HS6ST3: variants seen among roughly 807,000 people sequenced by gnomAD.
The protein encoded by HS6ST3 is heparan-sulfate 6-O-sulfotransferase 3.
HS6ST3 carries 12 observed loss-of-function variants against 36.7 expected under a neutral mutation model. The ratio of observed to expected loss-of-function variants is 0.33; its 90% CI spans 0.21 to 0.53. The LOEUF is 0.53. Among genes scored for constraint, HS6ST3 ranks in the 20% least tolerant of loss-of-function variants. HS6ST3 has a pLI of 0.95. For missense variants in HS6ST3, 584 were observed against 640.9 expected, an observed-to-expected ratio of 0.91 and a Z score of 0.96; for synonymous variants, 240 against 257.5, an observed-to-expected ratio of 0.93 and a Z score of 0.65.
chr13:96,823,952 A>G (rs1451298310), intron 1 of HS6ST3, among the ~76,000 whole-genome samples: 1 of 152,080 alleles, frequency 6.6e-6, no homozygotes, highest in East Asian at 1.9e-4. Context: ...CAGTTCCCAC[A>G]TTTTCCATAA....
chr13:96,340,686 T>A (rs978182840), intron 1 of HS6ST3, among the ~76,000 whole-genome samples: 1 of 152,258 alleles, frequency 6.6e-6, no homozygotes, highest in Non-Finnish European at 1.5e-5. Context: ...TACATGTATG[T>A]TTCTCATATC....
chr13:96,338,290 T>A (rs952053853), intron 1 of HS6ST3, among the ~76,000 whole-genome samples: 12 of 151,898 alleles, frequency 7.9e-5, no homozygotes, highest in African/African-American at 2.9e-4. Context: ...GATGTGGAGG[T>A]GTTTCTCTTG....
intron 1 of HS6ST3, among the ~76,000 whole-genome samples, chr13:96,268,020 A>G (rs1360639597): frequency 1.3e-5 from 2 of 151,940 alleles, no homozygotes; most frequent in Non-Finnish European, 2.9e-5. Flanking sequence ...AGAGAGAGAG[A>G]GAGAGAGCAA....
intron 1 of HS6ST3, among the ~76,000 whole-genome samples, chr13:96,136,978 A>G (rs2054005523): frequency 6.6e-6 from 1 of 152,122 alleles, no homozygotes; most frequent in Non-Finnish European, 1.5e-5. Context: ...GAATCATTTT[A>G]GAGCTAAACC....
At chr13:96,284,796 C>CCTTCTTT (rs2054792682) in intron 1 of HS6ST3, among the ~76,000 whole-genome samples, 1 of 151,782 alleles carries the variant, frequency 6.6e-6, no homozygotes, top group Non-Finnish European at 1.5e-5. Flanking sequence ...GCTTTTCTCT[C>CCTTCTTT]CTTCTTTCTT....
chr13:96,353,801 C>G (rs1270113661), intron 1 of HS6ST3, among the ~76,000 whole-genome samples: 1 of 152,106 alleles, frequency 6.6e-6, no homozygotes, highest in African/African-American at 2.4e-5. Context: ...AAAGAGGTAG[C>G]TATTGCCAAC....
At chr13:96,683,874 G>T (rs1428286525) in intron 1 of HS6ST3, among the ~76,000 whole-genome samples, 1 of 152,068 alleles carries the variant, frequency 6.6e-6, no homozygotes, top group African/African-American at 2.4e-5. Context: ...AATTAAATGT[G>T]AGTAGATGGA....
intron 1 of HS6ST3, among the ~76,000 whole-genome samples, chr13:96,596,525 G>C (rs892281555): frequency 6.6e-6 from 1 of 152,056 alleles, no homozygotes; most frequent in African/African-American, 2.4e-5. Context: ...TTAGTTCCTT[G>C]AGAAATCTTC....
intron 1 of HS6ST3, chr13:96,169,688 T>G (rs2054178277): frequency 6.6e-6 from 1 of 152,288 alleles, no homozygotes; most frequent in African/African-American, 2.4e-5. Flanking sequence ...ATCAATAGGA[T>G]GACCTCCTGG....
chr13:96,312,525 C>G (rs2054946588), intron 1 of HS6ST3, among the ~76,000 whole-genome samples: 1 of 152,050 alleles, frequency 6.6e-6, no homozygotes. Flanking sequence ...TCTCTGTCAT[C>G]AGTTGGTTAC....
At chr13:96,399,131 A>C (rs960212099) in intron 1 of HS6ST3, among the ~76,000 whole-genome samples, 6 of 152,234 alleles carry the variant, frequency 3.9e-5, no homozygotes, top group African/African-American at 1.2e-4. Flanking sequence ...TAACTAATAT[A>C]CACATCAAGT....
At chr13:96,483,642 A>G (rs1594790430) in intron 1 of HS6ST3, among the ~76,000 whole-genome samples, 1 of 152,320 alleles carries the variant, frequency 6.6e-6, no homozygotes, top group East Asian at 1.9e-4. Context: ...CTCTCACATT[A>G]CTTATCACAT....
chr13:96,478,628 A>G (rs2055875458), intron 1 of HS6ST3, among the ~76,000 whole-genome samples: 1 of 152,136 alleles, frequency 6.6e-6, no homozygotes, highest in Non-Finnish European at 1.5e-5. Context: ...AATAATAATA[A>G]CAAGAATACT....
chr13:96,443,316 G>A (rs1233415978), intron 1 of HS6ST3, among the ~76,000 whole-genome samples: 1 of 151,884 alleles, frequency 6.6e-6, no homozygotes, highest in Non-Finnish European at 1.5e-5. Flanking sequence ...GGATCACAAG[G>A]TCAGGAGATT....
At position 96,091,158 on chromosome 13, in the gene HS6ST3, G is replaced by A. The variant is rs780608215; in HGVS notation, c.296G>A (p.Arg99Gln). ...GAGGACGAGGAGCCCGGAGACCCCC[G>A]GGAGGGGGAGGAAGAGGAGGAGGAA... The part of the protein sequence containing the change: ...EEEDEEPGDP[R>Q]EGEEEEEEDE... The change falls in exon 1 of 2, where the codon CGG (arginine) becomes CAG (glutamine). Residue 99 changes from arginine to glutamine, a missense_variant. By Grantham distance (43) the Arg-to-Gln change is conservative (BLOSUM62 1). Transcript: ENST00000376705. 3 of 1,539,224 alleles carry A rather than the reference G, an allele frequency of 1.9e-6. No homozygotes were observed. The highest frequency in any genetic ancestry group is 2.6e-6 in the Non-Finnish European group (3 of 1,141,358).
At chr13:96,759,992 T>TC (rs1467027907) in intron 1 of HS6ST3, among the ~76,000 whole-genome samples, 1 of 150,448 alleles carries the variant, frequency 6.6e-6, no homozygotes, top group African/African-American at 2.5e-5. Flanking sequence ...TTAGGACATG[T>TC]TTTTTTTTGC....
At position 96,712,878 on chromosome 13, in the gene HS6ST3, G is replaced by T. The variant is rs148955393; in HGVS notation, c.708-119612G>T. On this transcript the variant is annotated intron_variant, in intron 1 of 1. Coordinates refer to ENST00000376705, the MANE Select transcript of HS6ST3 (RefSeq NM_153456.4). ...GTGGTTCTAAAGGGAGAAAAGAACAGAAATAGAAACCAAGGCCTGTGCAAA... is the reference window on the plus strand; with the variant it reads ...GTGGTTCTAAAGGGAGAAAAGAACATAAATAGAAACCAAGGCCTGTGCAAA... Among the ~76,000 whole-genome samples the T allele has an allele frequency of 1.7e-3, 252 of 152,250 alleles. 6 individuals carry two copies. The East Asian group carries it at 0.037, about 22-fold the overall frequency.
At chr13:96,801,744 C>A (rs1254359190) in intron 1 of HS6ST3, among the ~76,000 whole-genome samples, 4 of 151,998 alleles carry the variant, frequency 2.6e-5, no homozygotes, top group Admixed American at 2.6e-4. Context: ...CATAAACGTG[C>A]AATCTTATAT....
At chr13:96,304,720 T>TCTTTCTTTCTTTCTTTCTTTCTTTCTTTC (rs1444933944) in intron 1 of HS6ST3, among the ~76,000 whole-genome samples, 1 of 137,574 alleles carries the variant, frequency 7.3e-6, no homozygotes. Flanking sequence ...TCTTTTTTTT[T>TCTTTCTTTCTTTCTTTCTTTCTTTCTTTC]TTTTTTTTTT....
Sources: gnomAD v4.1 joint callset for allele counts (sites outside exome capture counted in the v4.1 genomes callset) on GRCh38, gnomAD v4.1.1 for gene constraint, MANE v1.5 for transcripts, NCBI Gene and HGNC (gene_info 2026-07-23, HGNC 2026-07-21) for gene names.